Variants in ICA1 observed in about 807,000 individuals in gnomAD.
ICA1 encodes islet cell autoantigen 1.
Under a neutral mutation model 71.0 loss-of-function variants are expected in ICA1, and 40 were observed. The observed-to-expected ratio is 0.56, with a 90% CI of 0.44 to 0.73. ICA1 has a LOEUF of 0.73. ICA1 is among the 30% of genes least tolerant of loss of function. The pLI, the probability that ICA1 is intolerant of heterozygous loss-of-function variation, is 0.00. For synonymous variants in ICA1, 207 were observed against 209.5 expected, an observed-to-expected ratio of 0.99 and a Z score of 0.10; for missense variants, 578 against 576.5, an observed-to-expected ratio of 1.00 and a Z score of -0.03.
At chr7:8,138,176 C>A (rs1312206606) in intron 12 of ICA1, among the ~76,000 whole-genome samples, 1 of 152,194 alleles carries the variant, frequency 6.6e-6, no homozygotes, top group Non-Finnish European at 1.5e-5. Flanking sequence ...TCACTCAAAT[C>A]CATGGTTCTG....
chr7:8,186,241 T>G, intron 6 of ICA1, among the ~76,000 whole-genome samples: 1 of 152,124 alleles, frequency 6.6e-6, no homozygotes, highest in East Asian at 1.9e-4. Context: ...GCCATACAAT[T>G]TATTGTCCAA....
At chr7:8,124,183 G>T (rs1032808939) in intron 13 of ICA1, among the ~76,000 whole-genome samples, 4 of 148,414 alleles carry the variant, frequency 2.7e-5, no homozygotes, top group Non-Finnish European at 3.0e-5. Flanking sequence ...TGCAGTGGCG[G>T]GATCTCGGCT....
intron 11 of ICA1, 49 bp downstream of exon 11, chr7:8,138,936 G>A (rs1441855754): frequency 2.5e-6 from 4 of 1,596,878 alleles, no homozygotes; most frequent in African/African-American, 1.3e-5. Flanking sequence ...TTTGTGAGGA[G>A]TTTGAGTCAA....
intron 1 of ICA1, among the ~76,000 whole-genome samples, chr7:8,239,393 A>G (rs1802973114): frequency 6.6e-6 from 1 of 152,216 alleles, no homozygotes; most frequent in Non-Finnish European, 1.5e-5. Context: ...TCAAATATAG[A>G]TCAGCTCTGT....
intron 6 of ICA1, among the ~76,000 whole-genome samples, chr7:8,182,525 T>G (rs73233932): frequency 6.6e-6 from 1 of 152,178 alleles, no homozygotes; most frequent in Non-Finnish European, 1.5e-5. Flanking sequence ...AAACCAACCA[T>G]TGGGATGTTC....
rs907325671 is a variant in ICA1 at position 8,222,660 on chromosome 7, C to T, written c.257-1262G>A. Among the ~76,000 whole-genome samples, 2 of 152,320 alleles carry T rather than the reference C, an allele frequency of 1.3e-5. No homozygotes were observed. The highest frequency in any genetic ancestry group is 6.5e-5 in the Admixed American group (1 of 15,288). On this transcript the variant is annotated intron_variant, in intron 4 of 13. Transcript: ENST00000402384. This position sits in a 1 kb window ranked among gnomAD's most constrained non-coding sequence, Gnocchi z 4.8. ...CACCCTAAACATTCCCTTGGGAAGG[C>T]CCAGTCAAGAAGAGGCTTTTAGAAT...
rs150656131 is a variant in ICA1 at position 8,254,058 on chromosome 7, C to A, written c.-80+8036G>T. Among the ~76,000 whole-genome samples the A allele has an allele frequency of 1.3e-4, 20 of 152,272 alleles. No individual in the cohort carries two copies. In the East Asian group the frequency reaches 3.5e-3, roughly 26 times the overall value. On this transcript the variant is annotated intron_variant, in intron 1 of 13. Coordinates refer to ENST00000402384, the MANE Select transcript of ICA1 (RefSeq NM_001136020.3). ...AGCAATTTGTTATGACTCCACAGAA[C>A]CTCCTGGCTGAGAGTGAGGAGAGAA...
rs1428326902 is a variant in ICA1 at position 8,132,430 on chromosome 7, A to G, written c.1061-4288T>C. ...GGTTTCTTCTTCCTTCCACAACCAC[A>G]TACTCTACTTTGGCTCTACTCTTTT... On this transcript the variant is annotated intron_variant, in intron 12 of 13. Transcript: ENST00000402384. This position sits in a 1 kb window ranked among gnomAD's most constrained non-coding sequence, Gnocchi z 4.5. 6.6e-6 allele frequency among the ~76,000 whole-genome samples: 1 copy of G among 152,104 alleles called. No individual in the cohort carries two copies. The highest frequency in any genetic ancestry group is 2.4e-5 in the African/African-American group (1 of 41,392).
intron 5 of ICA1, among the ~76,000 whole-genome samples, chr7:8,220,581 C>T (rs374070020): frequency 9.9e-5 from 15 of 152,134 alleles, no homozygotes; most frequent in Admixed American, 2.0e-4. Flanking sequence ...TTTTCTCAGG[C>T]GCAGAGAGTG....
In ICA1 at chr7:8,130,620, T is replaced by A. The variant is rs1019305972; in HGVS notation, c.1061-2478A>T. On this transcript the variant is annotated intron_variant, in intron 12 of 13. Transcript: ENST00000402384. This position sits in a 1 kb window ranked among gnomAD's most constrained non-coding sequence, Gnocchi z 4.2. ...AATGTGTAGACCCTGGAGGAGCAGA[T>A]AATTTCAAATGCACCTTGGAAATGA... is the stretch of plus-strand genomic sequence containing the variant. Among the ~76,000 whole-genome samples, 5 of 152,306 alleles carry A rather than the reference T, an allele frequency of 3.3e-5. No individual in the cohort carries two copies. The highest frequency in any genetic ancestry group is 6.5e-5 in the Admixed American group (1 of 15,306).
intron 8 of ICA1, among the ~76,000 whole-genome samples, chr7:8,152,795 CT>C (rs1799777060): frequency 8.6e-6 from 1 of 116,740 alleles, no homozygotes; most frequent in Non-Finnish European, 2.1e-5. Context: ...TCACCATCAC[CT>C]CCACCACCAC....
Position 8,157,162 on chromosome 7 carries a change from TGG to T in ICA1, c.756_757del (p.His253Ter). ...TGGTTGATAACCTTTGAAACTCTCATGGATGGCTGCCATAGTGTGAGAAGTTT... is the reference window on the plus strand; with the variant it reads ...TGGTTGATAACCTTTGAAACTCTCATATGGCTGCCATAGTGTGAGAAGTTT... On this transcript the variant is annotated frameshift_variant, in exon 8 of 14. Coordinates refer to ENST00000402384, the MANE Select transcript of ICA1 (RefSeq NM_001136020.3). LOFTEE classifies it high-confidence loss of function. 1 of 1,613,272 alleles carries T rather than the reference TGG, an allele frequency of 6.2e-7. No homozygotes were observed. The highest frequency in any genetic ancestry group is 2.2e-5 in the East Asian group (1 of 44,880).
chr7:8,179,536 T>G (rs532944886), intron 6 of ICA1, among the ~76,000 whole-genome samples: 12 of 152,360 alleles, frequency 7.9e-5, no homozygotes, highest in African/African-American at 2.4e-4. Context: ...AAAGAAATGT[T>G]GTATAACAAC....
At chr7:8,213,404 A>G (rs1486207106) in intron 6 of ICA1, among the ~76,000 whole-genome samples, 1 of 152,104 alleles carries the variant, frequency 6.6e-6, no homozygotes, top group Non-Finnish European at 1.5e-5. Context: ...ACTCAACACA[A>G]CTCACTGGCA....
rs1784803929 is a variant in ICA1 at position 8,116,377 on chromosome 7, C to T, written c.1331-2333G>A. Reference sequence around the variant, plus strand: ...ATCTAGTGAAGAAGTCACATGGACCCACCAGTTGATGGCCACATCCGTGGT... The same window carrying T: ...ATCTAGTGAAGAAGTCACATGGACCTACCAGTTGATGGCCACATCCGTGGT... On this transcript the variant is annotated intron_variant, in intron 13 of 13. Coordinates refer to ENST00000402384, the MANE Select transcript of ICA1 (RefSeq NM_001136020.3). 2.0e-5 allele frequency: 3 copies of T among 152,176 alleles called. No individual in the cohort carries two copies. The South Asian group carries it at 6.2e-4, about 32-fold the overall frequency. The allele number at this position is 152,176 out of a possible 1,614,324, so 9.4% of individuals were successfully genotyped here.
chr7:8,216,917 G>T (rs375427340), intron 6 of ICA1, among the ~76,000 whole-genome samples: 8 of 152,340 alleles, frequency 5.3e-5, no homozygotes, highest in African/African-American at 1.9e-4. Context: ...TAAGCACTCT[G>T]CCCTGCAGGC....
intron 6 of ICA1, among the ~76,000 whole-genome samples, chr7:8,202,615 G>A (rs955969261): frequency 2.6e-5 from 4 of 152,174 alleles, no homozygotes; most frequent in Non-Finnish European, 4.4e-5. Context: ...CACAAGCACA[G>A]AAATGCCATT....
intron 6 of ICA1, among the ~76,000 whole-genome samples, chr7:8,185,866 C>G (rs1783743787): frequency 6.6e-6 from 1 of 152,172 alleles, no homozygotes; most frequent in African/African-American, 2.4e-5. Flanking sequence ...ATAGTAAGCA[C>G]TCAAGAACTG....
rs142999417 is a variant in ICA1, at chr7:8,136,151, G to C, written c.1060+2689C>G. ...CAATGTCATTACGACACTGAATGGG[G>C]GTGATTTTCTGGGCAATGGCTCTTT... On this transcript the variant is annotated intron_variant, in intron 12 of 13. Coordinates refer to ENST00000402384, the MANE Select transcript of ICA1 (RefSeq NM_001136020.3). Among the ~76,000 whole-genome samples the C allele has an allele frequency of 1.8e-3, 278 of 152,218 alleles. 1 individual carries two copies. Among genetic ancestry groups the C allele is most frequent in the African/African-American group, 6.2e-3 (259 of 41,512 alleles).
Sources: gnomAD v4.1 joint callset for allele counts (sites outside exome capture counted in the v4.1 genomes callset) on GRCh38, gnomAD v4.1.1 for gene constraint, Gnocchi (gnomAD v3.1) non-coding constraint, MANE v1.5 for transcripts, NCBI Gene and HGNC (gene_info 2026-07-23, HGNC 2026-07-21) for gene names.